Variants in SIRT3 observed in about 807,000 individuals in gnomAD.
SIRT3 encodes sirtuin 3.
A neutral mutation model predicts 33.5 loss-of-function variants in SIRT3; 26 were observed. The observed-to-expected ratio is 0.78, with a 90% CI of 0.57 to 1.08. SIRT3 has a LOEUF of 1.08. Among genes scored for constraint, SIRT3 ranks in the 50% least tolerant of loss-of-function variants. SIRT3 has a pLI of 0.00. For synonymous variants in SIRT3, 237 were observed against 222.1 expected (o/e 1.07, Z -0.60); for missense variants, 585 against 530.1 (o/e 1.10, Z -1.02).
At chr11:233,297 G>A (rs1156507009) in intron 2 of SIRT3, 46 bp downstream of exon 2, 2 of 1,602,462 alleles carry the variant, frequency 1.2e-6, no homozygotes, top group East Asian at 2.2e-5. Context: ...GAGGGCAGGA[G>A]TCAGGGGAGG....
At chr11:233,566 C>T in intron 1 of SIRT3, 32 bp from the exon 2 acceptor site, 1 of 1,607,520 alleles carries the variant, frequency 6.2e-7, no homozygotes, top group Non-Finnish European at 8.5e-7. Context: ...GCAAAGGAAA[C>T]AGATAGCAAC....
Position 227,811 on chromosome 11 carries a change from T to C in SIRT3, c.807+2641A>G, listed in dbSNP as rs544218927. 2.6e-5 allele frequency among the ~76,000 whole-genome samples: 4 copies of C among 152,184 alleles called. No homozygotes were observed. The East Asian group carries it at 7.8e-4, about 30-fold the overall frequency. On this transcript the variant is annotated intron_variant, in intron 4 of 6. Coordinates refer to ENST00000382743, the MANE Select transcript of SIRT3 (RefSeq NM_012239.6). ...CTAATTTTTGTATTTTTAGTAGAGATGGGATTTCACCATTTTGGCAGGCTG... is the reference window on the plus strand; with the variant it reads ...CTAATTTTTGTATTTTTAGTAGAGACGGGATTTCACCATTTTGGCAGGCTG...
At chr11:219,472 C>T (rs1856130021) in intron 5 of SIRT3, among the ~76,000 whole-genome samples, 1 of 152,178 alleles carries the variant, frequency 6.6e-6, no homozygotes, top group African/African-American at 2.4e-5. Context: ...CCACCAGCAT[C>T]GGGCACCCAG....
intron 1 of SIRT3, among the ~76,000 whole-genome samples, chr11:235,282 T>C (rs1047980114): frequency 6.6e-5 from 10 of 152,144 alleles, no homozygotes; most frequent in Admixed American, 1.3e-4. Context: ...CATAGCTCAC[T>C]GCAGCCTTGA....
chr11:232,961 G>A, intron 3 of SIRT3, 22 bp downstream of exon 3: 1 of 1,607,280 alleles, frequency 6.2e-7, no homozygotes, highest in Non-Finnish European at 8.5e-7. Flanking sequence ...AAAAGAATGT[G>A]TGCGACTCAC....
intron 4 of SIRT3, 60 bp from the exon 5 acceptor site, chr11:224,299 G>A: frequency 6.5e-7 from 1 of 1,542,412 alleles, no homozygotes; most frequent in South Asian, 1.2e-5. Flanking sequence ...AAAAGGAAAA[G>A]GCAACAAGTT....
chr11:232,895 G>T, intron 3 of SIRT3, 88 bp downstream of exon 3: 5 of 1,290,992 alleles, frequency 3.9e-6, no homozygotes, highest in Non-Finnish European at 4.4e-6. Context: ...TCCCCTGTGA[G>T]AAACAGGCAC....
Position 236,289 on chromosome 11 carries a change from G to T in SIRT3, c.40C>A (p.Leu14Met). 4 of 1,532,316 alleles carry T rather than the reference G, an allele frequency of 2.6e-6. No individual in the cohort carries two copies. Among genetic ancestry groups the T allele is most frequent in the Non-Finnish European group, 3.5e-6 (4 of 1,146,252 alleles). The allele number at this position is 1,532,316 out of a possible 1,614,324, so 94.9% of individuals were successfully genotyped here. A position where few individuals can be genotyped will look rare whatever the true frequency, so the allele number is the denominator to read the frequency against. ...ACCCGTTCAACTACCCGGCCCCACA[G>T]CCGGAGGGCTGCCGCGGCGCGCCAA... ...WGWRAAAALRLWGRVVERVEA... is the reference protein window; with the variant it reads ...WGWRAAAALRMWGRVVERVEA... Residue 14 changes from leucine to methionine, a missense_variant, in exon 1 of 7, where the codon CTG (leucine) becomes ATG (methionine). Leu to Met is a conservative substitution (Grantham distance 15). Coordinates refer to ENST00000382743, the MANE Select transcript of SIRT3 (RefSeq NM_012239.6).
rs1857304943 is a variant in SIRT3, at chr11:227,254, A to G, written c.808-3015T>C. ...GGAGTTCGACACCAGCCTCACCAAC[A>G]TAGTGAAACCCCATCTCTACTAAAA... is the stretch of plus-strand genomic sequence containing the variant. On this transcript the variant is annotated intron_variant, in intron 4 of 6. Transcript: ENST00000382743. Among the ~76,000 whole-genome samples the G allele has an allele frequency of 2.8e-5, 3 of 108,592 alleles. No homozygotes were observed. In the South Asian group the frequency reaches 8.7e-4, roughly 31 times the overall value. 71.2% of individuals were successfully genotyped at this position (108,592 alleles called of 152,430 possible).
At chr11:217,525 G>A (rs975731416) in intron 6 of SIRT3, among the ~76,000 whole-genome samples, 4 of 152,224 alleles carry the variant, frequency 2.6e-5, no homozygotes, top group African/African-American at 7.2e-5. Flanking sequence ...TAAGATCTCC[G>A]CTGCCTTGTG....
At chr11:218,739 T>C (rs755681177) in intron 6 of SIRT3, 93 bp downstream of exon 6, 5 of 1,567,588 alleles carry the variant, frequency 3.2e-6, no homozygotes, top group African/African-American at 3.1e-5. Flanking sequence ...TTACTGTTAC[T>C]GTGTTAACCA....
In SIRT3 at chr11:233,195, T is replaced by C. The variant is rs1208227096; in HGVS notation, c.494A>G (p.Tyr165Cys). 6.2e-7 allele frequency: 1 copy of C among 1,613,924 alleles called. No homozygotes were observed. The highest frequency in any genetic ancestry group is 8.5e-7 in the Non-Finnish European group (1 of 1,179,926). The change falls in exon 3 of 7, where the codon TAC (tyrosine) becomes TGC (cysteine). Residue 165 changes from tyrosine to cysteine, a missense_variant. Coordinates refer to ENST00000382743, the MANE Select transcript of SIRT3 (RefSeq NM_012239.6). ...GAGATCGTACTGCTGGAGGTTGCTG[T>C]ACAGGCCACTCCCCGGCGATCTGCA... ...PDFRSPGSGL[Y>C]SNLQQYDLPY...
chr11:216,560 G>C lies in SIRT3; in HGVS notation c.*138C>G, dbSNP rs201482865. 427 of 924,376 alleles carry C rather than the reference G, an allele frequency of 4.6e-4. 2 individuals are homozygous for C. In the East Asian group the frequency reaches 9.6e-3, roughly 21 times the overall value. The allele number at this position is 924,376 out of a possible 1,614,324, so 57.3% of individuals were successfully genotyped here. On this transcript the variant is annotated 3_prime_UTR_variant, in exon 7 of 7. Coordinates refer to ENST00000382743, the MANE Select transcript of SIRT3 (RefSeq NM_012239.6). Reference sequence around the variant, plus strand: ...GCTCATGGCCTGAGAAGACATTCCAGTGGCAGCCTCGGGTGTCCACTCAGT... The same window carrying C: ...GCTCATGGCCTGAGAAGACATTCCACTGGCAGCCTCGGGTGTCCACTCAGT...
chr11:228,805 G>T (rs1248338206), intron 4 of SIRT3, among the ~76,000 whole-genome samples: 1 of 152,098 alleles, frequency 6.6e-6, no homozygotes, highest in African/African-American at 2.4e-5. Context: ...ACAACCTACA[G>T]AATGACAGAA....
intron 1 of SIRT3, 30 bp downstream of exon 1, chr11:236,018 G>T: frequency 1.4e-6 from 2 of 1,455,178 alleles, no homozygotes; most frequent in Non-Finnish European, 1.8e-6. Context: ...CAACGAACAC[G>T]CAAGAAGTGC....
chr11:233,743 G>A, intron 1 of SIRT3: 1 of 556,540 alleles, frequency 1.8e-6, no homozygotes, highest in Non-Finnish European at 3.2e-6. Flanking sequence ...GACTTACTTG[G>A]GAGCAAAAAA....
intron 4 of SIRT3, among the ~76,000 whole-genome samples, chr11:224,498 G>A (rs1456925742): frequency 3.3e-5 from 5 of 152,112 alleles, no homozygotes; most frequent in Admixed American, 3.3e-4. Context: ...TAATTACTTC[G>A]GCAGGCATCT....
intron 3 of SIRT3, among the ~76,000 whole-genome samples, chr11:232,363 C>A (rs913542569): frequency 6.6e-6 from 1 of 152,226 alleles, no homozygotes; most frequent in Non-Finnish European, 1.5e-5. Flanking sequence ...AGGTGATCTA[C>A]CTGCCTCGGC....
At position 223,645 on chromosome 11, in the gene SIRT3, G is replaced by A. The variant is rs1856733934; in HGVS notation, c.969+433C>T. On this transcript the variant is annotated intron_variant, in intron 5 of 6. Transcript: ENST00000382743. The surrounding 1 kb of genome is among the most constrained non-coding windows in gnomAD (Gnocchi z 4.8). ...CCATCCTTCTCCCTTCTCCTCACACGTGGTGCCCCACCCACACCTATACCA... is the reference window on the plus strand; with the variant it reads ...CCATCCTTCTCCCTTCTCCTCACACATGGTGCCCCACCCACACCTATACCA... 1 of 328,576 alleles carries A rather than the reference G, an allele frequency of 3.0e-6. No individual in the cohort carries two copies. The highest frequency in any genetic ancestry group is 6.0e-6 in the Non-Finnish European group (1 of 166,078). The allele number at this position is 328,576 out of a possible 1,614,324, so 20.4% of individuals were successfully genotyped here.
Sources: allele counts gnomAD v4.1 joint callset (sites outside exome capture counted in the v4.1 genomes callset), GRCh38; gene constraint gnomAD v4.1.1; non-coding constraint Gnocchi (gnomAD v3.1); transcripts MANE v1.5; gene names NCBI Gene and HGNC (gene_info 2026-07-23, HGNC 2026-07-21).